Variants in IKBIP observed in about 807,000 individuals in gnomAD.
IKBIP encodes IKBKB interacting protein.
IKBIP carries 28 observed loss-of-function variants against 31.0 expected under a neutral mutation model. The observed-to-expected ratio is 0.90, with a 90% CI of 0.67 to 1.24. The LOEUF (loss-of-function observed/expected upper bound fraction) is 1.24, where lower values mean the gene tolerates loss of function less well. Among genes scored for constraint, IKBIP ranks in the 50% most tolerant of loss-of-function variants. IKBIP has a pLI of 0.00. For synonymous variants in IKBIP, 164 were observed against 160.3 expected (o/e 1.02, Z -0.17); for missense variants, 453 against 441.9 (o/e 1.03, Z -0.23).
intron 2 of IKBIP, among the ~76,000 whole-genome samples, chr12:98,632,515 ATATAT>A (rs2097621650): frequency 5.8e-4 from 26 of 45,140 alleles, no homozygotes; most frequent in African/African-American, 1.1e-3. Context: ...AAAAAAAAAT[ATATAT>A]ATATATATAT....
downstream of IKBIP, among the ~76,000 whole-genome samples, chr12:98,619,470 T>C (rs12580385): frequency 0.072 from 11,021 of 152,334 alleles, 549 homozygotes; most frequent in East Asian, 0.21. Flanking sequence ...TGAACTTCTA[T>C]TGATCTTTAT....
intron 1 of IKBIP, 104 bp from the exon 2 acceptor site, chr12:98,634,517 G>T: frequency 8.7e-6 from 5 of 574,912 alleles, no homozygotes; most frequent in South Asian, 4.4e-5. Context: ...CATAAATTCT[G>T]GTATGGGTAG....
At chr12:98,633,492 G>A (rs2097622880) in intron 2 of IKBIP, among the ~76,000 whole-genome samples, 1 of 123,082 alleles carries the variant, frequency 8.1e-6, no homozygotes, top group African/African-American at 2.9e-5. Flanking sequence ...TAGGCTAGCC[G>A]TTCTTTTTTT....
exon 3 of IKBIP, chr12:98,613,621 A>C (rs2097604481): frequency 6.5e-7 from 1 of 1,540,300 alleles, no homozygotes; most frequent in South Asian, 1.2e-5. Context: ...TTTCATCTTT[A>C]ATATCCTTAA....
intron 1 of IKBIP, 42 bp downstream of exon 1, chr12:98,644,481 G>T: frequency 1.3e-6 from 2 of 1,524,584 alleles, no homozygotes; most frequent in Non-Finnish European, 8.8e-7. Flanking sequence ...AACAGCAGGG[G>T]GCCCACAGGA....
At chr12:98,629,610 C>A (rs2097618063) in intron 2 of IKBIP, among the ~76,000 whole-genome samples, 1 of 152,032 alleles carries the variant, frequency 6.6e-6, no homozygotes, top group Admixed American at 6.6e-5. Context: ...ACAAAAAAAT[C>A]CAAAGAAATA....
intron 2 of IKBIP, among the ~76,000 whole-genome samples, chr12:98,628,007 G>C (rs1034983437): frequency 3.9e-5 from 6 of 152,218 alleles, no homozygotes; most frequent in African/African-American, 1.4e-4. Context: ...CTCCTAATCT[G>C]TATCTGGAAT....
downstream of IKBIP, among the ~76,000 whole-genome samples, chr12:98,622,313 C>T (rs1257131555): frequency 6.6e-6 from 1 of 152,014 alleles, no homozygotes; most frequent in Admixed American, 6.6e-5. Context: ...ACTGCTTCAG[C>T]CCAGGAGTTT....
intron 2 of IKBIP, among the ~76,000 whole-genome samples, chr12:98,617,813 G>T (rs775382631): frequency 2.7e-4 from 41 of 152,162 alleles, no homozygotes; most frequent in Non-Finnish European, 1.0e-4. Flanking sequence ...TCTGGAAAAA[G>T]AATCCCATTT....
At chr12:98,640,385 A>C (rs2097629365) in intron 1 of IKBIP, among the ~76,000 whole-genome samples, 3 of 152,142 alleles carry the variant, frequency 2.0e-5, no homozygotes, top group African/African-American at 7.2e-5. Flanking sequence ...GGTTGCGGTG[A>C]GCTGAGATTG....
At chr12:98,618,611 G>C (rs1275610775) in intron 2 of IKBIP, among the ~76,000 whole-genome samples, 3 of 145,186 alleles carry the variant, frequency 2.1e-5, no homozygotes, top group Non-Finnish European at 4.5e-5. Context: ...GGGCGACAGA[G>C]CCAGACTCTG....
At chr12:98,632,668 CTGGAGTGCAG>C (rs1291985719) in intron 2 of IKBIP, among the ~76,000 whole-genome samples, 1 of 136,370 alleles carries the variant, frequency 7.3e-6, no homozygotes, top group Non-Finnish European at 1.5e-5. Flanking sequence ...GTTGCCCAGG[CTGGAGTGCAG>C]TGGTATGATC....
chr12:98,635,690 A>C (rs2153300084), intron 1 of IKBIP, among the ~76,000 whole-genome samples: 1 of 152,380 alleles, frequency 6.6e-6, no homozygotes, highest in South Asian at 2.1e-4. Flanking sequence ...CGTCTATAAA[A>C]AGTATTTTAA....
intron 2 of IKBIP, among the ~76,000 whole-genome samples, chr12:98,633,507 A>ATTTTT (rs1555211700): frequency 2.9e-4 from 28 of 96,374 alleles, no homozygotes; most frequent in South Asian, 1.0e-3. Context: ...TTTTTTTTTA[A>ATTTTT]TTCTTTTTTT....
intron 1 of IKBIP, among the ~76,000 whole-genome samples, chr12:98,639,588 G>C (rs1168803121): frequency 6.6e-6 from 1 of 152,132 alleles, no homozygotes; most frequent in African/African-American, 2.4e-5. Flanking sequence ...GATCTATCTA[G>C]GGTCCTGTGA....
chr12:98,616,864 G>A lies in IKBIP; in HGVS notation c.298-2524C>T, dbSNP rs573457625. ...TTTTTTTTTTAAATGCTAGTATCAC[G>A]CTGTTTGGATTACTACAGCTTTGTA... On this transcript the variant is annotated intron_variant, in intron 2 of 2. Transcript: ENST00000342502. Among the ~76,000 whole-genome samples the A allele has an allele frequency of 3.3e-5, 5 of 152,014 alleles. No individual in the cohort carries two copies. In the East Asian group the frequency reaches 7.7e-4, roughly 24 times the overall value.
chr12:98,621,769 T>C (rs1193577926), downstream of IKBIP, among the ~76,000 whole-genome samples: 1 of 152,032 alleles, frequency 6.6e-6, no homozygotes, highest in African/African-American at 2.4e-5. Flanking sequence ...AATCAATATA[T>C]AGAGCTGTTA....
chr12:98,616,255 A>G (rs1038394415), intron 2 of IKBIP, among the ~76,000 whole-genome samples: 1 of 151,660 alleles, frequency 6.6e-6, no homozygotes, highest in Non-Finnish European at 1.5e-5. Context: ...GATGTTGAGC[A>G]TTTTTTTCCA....
chr12:98,614,058 C>T (rs1344298780), exon 3 of IKBIP: 2 of 1,612,136 alleles, frequency 1.2e-6, no homozygotes, highest in Admixed American at 1.7e-5. Context: ...TGCACAGAAT[C>T]TGTCAATGAT....
Sources: allele counts gnomAD v4.1 joint callset (sites outside exome capture counted in the v4.1 genomes callset), GRCh38; gene constraint gnomAD v4.1.1; transcripts MANE v1.5; gene names NCBI Gene and HGNC (gene_info 2026-07-23, HGNC 2026-07-21).